The following STAT4 variants were observed in gnomAD, a reference collection of about 807,000 sequenced individuals.
STAT4 encodes the protein signal transducer and activator of transcription 4.
A neutral mutation model predicts 110.5 loss-of-function variants in STAT4; 42 were observed. The ratio of observed to expected loss-of-function variants is 0.38; its 90% CI spans 0.30 to 0.49. STAT4 has a LOEUF of 0.49. STAT4 is among the 20% of genes least tolerant of loss of function. STAT4 has a pLI of 0.95. For missense variants in STAT4, 632 were observed against 887.9 expected (o/e 0.71, Z 3.66); for synonymous variants, 284 against 302.2 (o/e 0.94, Z 0.63).
Position 191,060,790 on chromosome 2 carries a change from A to G in STAT4, c.1034+939T>C, listed in dbSNP as rs955148934. Among the ~76,000 whole-genome samples the G allele has an allele frequency of 6.6e-6, 1 of 152,262 alleles. No individual in the cohort carries two copies. The highest frequency in any genetic ancestry group is 1.5e-5 in the Non-Finnish European group (1 of 68,040). ...GTTCTTAAATCTTGGTGCAAAATTC[A>G]TACAAAGAAACTGATTAAGAAGTTA... On this transcript the variant is annotated intron_variant, in intron 10 of 23. Transcript: ENST00000392320. The surrounding 1 kb of genome is among the most constrained non-coding windows in gnomAD (Gnocchi z 4.5).
intron 16 of STAT4, 126 bp from the exon 17 acceptor site, chr2:191,036,425 G>C: frequency 1.0e-6 from 1 of 979,762 alleles, no homozygotes; most frequent in Non-Finnish European, 1.5e-6. Context: ...GTGACTATTA[G>C]GTGATAGTCA....
rs569668818 is a variant in STAT4, at chr2:191,063,364, G to A, written c.783-444C>T. Among the ~76,000 whole-genome samples the A allele has an allele frequency of 3.2e-4, 48 of 152,220 alleles. 1 individual carries two copies. In the South Asian group the frequency reaches 8.5e-3, roughly 27 times the overall value. ...TACTGAAAGAAAAACATATGTAACCGATCTTCCCACACAATATATATTTTT... is the reference window on the plus strand; with the variant it reads ...TACTGAAAGAAAAACATATGTAACCAATCTTCCCACACAATATATATTTTT... On this transcript the variant is annotated intron_variant, in intron 8 of 23. Coordinates refer to ENST00000392320, the MANE Select transcript of STAT4 (RefSeq NM_003151.4).
rs535900748 is a variant in STAT4 at position 191,097,178 on chromosome 2, G to A, written c.274-20853C>T. On this transcript the variant is annotated intron_variant, in intron 3 of 23. Transcript: ENST00000392320. ...CATGGATAGGAAGAATCAATATCGT[G>A]AAAATGGCCATACTGCCCAATATAA... Among the ~76,000 whole-genome samples, 3 of 152,286 alleles carry A rather than the reference G, an allele frequency of 2.0e-5. No homozygotes were observed. The East Asian group carries it at 5.8e-4, about 29-fold the overall frequency.
At chr2:191,106,393 C>T (rs1698281627) in intron 3 of STAT4, among the ~76,000 whole-genome samples, 2 of 151,710 alleles carry the variant, frequency 1.3e-5, no homozygotes, top group African/African-American at 4.8e-5. Context: ...GGCACGGTGG[C>T]TCATGCCTGT....
rs1177682268 is a variant in STAT4 at position 191,051,721 on chromosome 2, G to GTT, written c.1251+2768_1251+2769insAA. On this transcript the variant is annotated intron_variant, in intron 14 of 23. Coordinates refer to ENST00000392320, the MANE Select transcript of STAT4 (RefSeq NM_003151.4). The surrounding 1 kb of genome is among the most constrained non-coding windows in gnomAD (Gnocchi z 5.6). ...GGGCAGTAGGAGTGCCAACCAGCTC[G>GTT]CCTCTCCCAGGGAAGGTTCTGCGAC... Among the ~76,000 whole-genome samples the GTT allele has an allele frequency of 6.6e-6, 1 of 152,182 alleles. No individual in the cohort carries two copies. Among genetic ancestry groups the GTT allele is most frequent in the East Asian group, 1.9e-4 (1 of 5,198 alleles).
At chr2:191,072,418 A>G (rs1487374428) in intron 5 of STAT4, among the ~76,000 whole-genome samples, 1 of 152,194 alleles carries the variant, frequency 6.6e-6, no homozygotes, top group Non-Finnish European at 1.5e-5. Context: ...TTTTGCATTC[A>G]TGTTTTACTT....
chr2:191,110,557 A>T lies in STAT4; in HGVS notation c.274-34232T>A, dbSNP rs563760932. Among the ~76,000 whole-genome samples the T allele has an allele frequency of 1.2e-4, 19 of 152,264 alleles. No homozygotes were observed. The highest frequency in any genetic ancestry group is 4.6e-4 in the African/African-American group (19 of 41,558). On this transcript the variant is annotated intron_variant, in intron 3 of 23. Transcript: ENST00000392320. The surrounding 1 kb of genome is among the most constrained non-coding windows in gnomAD (Gnocchi z 4.5). The stretch of plus-strand genomic sequence containing the variant: ...CACACCATTTGGAGCTGGGTGTCAT[A>T]CTAATTCCAATCTGAAAGTCTGAAA...
chr2:191,124,585 C>T (rs1352188795), intron 3 of STAT4, among the ~76,000 whole-genome samples: 4 of 151,808 alleles, frequency 2.6e-5, no homozygotes, highest in African/African-American at 9.7e-5. Context: ...AATATGTAGA[C>T]ACATTAGTTC....
chr2:191,075,437 A>G (rs1194201748), intron 4 of STAT4, among the ~76,000 whole-genome samples: 1 of 152,208 alleles, frequency 6.6e-6, no homozygotes, highest in Non-Finnish European at 1.5e-5. Context: ...TATTCATGGA[A>G]CTTCTGTAAG....
intron 4 of STAT4, among the ~76,000 whole-genome samples, chr2:191,074,763 A>G (rs941735148): frequency 1.6e-4 from 24 of 152,364 alleles, no homozygotes; most frequent in African/African-American, 5.3e-4. Context: ...AAATGATACC[A>G]TCCTTCTTCA....
intron 3 of STAT4, among the ~76,000 whole-genome samples, chr2:191,128,139 A>G (rs1034311441): frequency 5.3e-4 from 81 of 152,226 alleles, no homozygotes; most frequent in African/African-American, 9.7e-5. Context: ...ACATCATGGT[A>G]TTATCTTAAA....
At chr2:191,048,438 C>T (rs1044809145) in intron 14 of STAT4, among the ~76,000 whole-genome samples, 5 of 152,062 alleles carry the variant, frequency 3.3e-5, no homozygotes, top group African/African-American at 1.2e-4. Context: ...GTCTCACATT[C>T]GCAGGTTCCA....
intron 3 of STAT4, among the ~76,000 whole-genome samples, chr2:191,093,696 A>G (rs1175713089): frequency 6.6e-6 from 1 of 152,244 alleles, no homozygotes; most frequent in Non-Finnish European, 1.5e-5. Context: ...AAGGGATCAC[A>G]GCTCCTTGCC....
Position 191,147,950 on chromosome 2 carries a change from T to G in STAT4, c.128+126A>C. 3.0e-6 allele frequency: 4 copies of G among 1,331,578 alleles called. No homozygotes were observed. Among genetic ancestry groups the G allele is most frequent in the Non-Finnish European group, 3.1e-6 (3 of 982,620 alleles). 82.5% of individuals were successfully genotyped at this position (1,331,578 alleles called of 1,614,324 possible). On this transcript the variant is annotated intron_variant, in intron 2 of 23. Transcript: ENST00000392320. This position sits in a 1 kb window ranked among gnomAD's most constrained non-coding sequence, Gnocchi z 4.1. ...TTCTTTGGGAAGGCTTTCAAATCCT[T>G]GAGAAAGTTCTTTACCTGAAAAGAA...
chr2:191,045,365 A>G (rs1053385923), intron 14 of STAT4, among the ~76,000 whole-genome samples: 4 of 152,228 alleles, frequency 2.6e-5, no homozygotes, highest in African/African-American at 9.6e-5. Flanking sequence ...CTGCATTTTA[A>G]CAAGAATCCT....
Position 191,143,234 on chromosome 2 carries a change from C to G in STAT4, c.273+3379G>C, listed in dbSNP as rs896113478. Among the ~76,000 whole-genome samples the G allele has an allele frequency of 1.3e-5, 2 of 152,146 alleles. No homozygotes were observed. Among genetic ancestry groups the G allele is most frequent in the Non-Finnish European group, 2.9e-5 (2 of 68,022 alleles). On this transcript the variant is annotated intron_variant, in intron 3 of 23. Transcript: ENST00000392320. This position sits in a 1 kb window ranked among gnomAD's most constrained non-coding sequence, Gnocchi z 5.6. ...GGGGCAGATATTTATTTTTAGCAAA[C>G]CTTTAGCAAAAGACTATGGTTCTTG...
rs1269031469 is a variant in STAT4, at chr2:191,066,325, T to G, written c.630+105A>C. 3 of 1,010,034 alleles carry G rather than the reference T, an allele frequency of 3.0e-6. No homozygotes were observed. Among genetic ancestry groups the G allele is most frequent in the Non-Finnish European group, 3.0e-6 (2 of 671,524 alleles). 62.6% of individuals were successfully genotyped at this position (1,010,034 alleles called of 1,614,324 possible). A position where few individuals can be genotyped will look rare whatever the true frequency, so the allele number is the denominator to read the frequency against. On this transcript the variant is annotated intron_variant, in intron 7 of 23. Transcript: ENST00000392320. The surrounding 1 kb of genome is among the most constrained non-coding windows in gnomAD (Gnocchi z 4.3). ...GAAACCTTGCCGTTTCTTCATTCAGTAAATGGAACTGATAAAATCTGACAG... is the reference window on the plus strand; with the variant it reads ...GAAACCTTGCCGTTTCTTCATTCAGGAAATGGAACTGATAAAATCTGACAG...
At chr2:191,048,271 C>A (rs1281751366) in intron 14 of STAT4, among the ~76,000 whole-genome samples, 1 of 152,156 alleles carries the variant, frequency 6.6e-6, no homozygotes, top group African/African-American at 2.4e-5. Context: ...TTGTGAGGCA[C>A]ATTTAGAACA....
intron 3 of STAT4, among the ~76,000 whole-genome samples, chr2:191,139,537 A>G (rs1280389642): frequency 4.6e-5 from 7 of 152,210 alleles, no homozygotes; most frequent in Non-Finnish European, 8.8e-5. Context: ...TTGGGAATAT[A>G]CCTATCCAAG....
Sources: gnomAD v4.1 joint callset for allele counts (sites outside exome capture counted in the v4.1 genomes callset) on GRCh38, gnomAD v4.1.1 for gene constraint, Gnocchi (gnomAD v3.1) non-coding constraint, MANE v1.5 for transcripts, NCBI Gene and HGNC (gene_info 2026-07-23, HGNC 2026-07-21) for gene names.